The following SDC4 variants were observed in gnomAD, a reference collection of about 807,000 sequenced individuals.
SDC4 encodes syndecan 4, also known as syndecan-4.
In SDC4, 17 loss-of-function variants were observed where a neutral mutation model predicts 20.5. The observed-to-expected ratio is 0.83, with a 90% CI of 0.57 to 1.25. SDC4 has a LOEUF of 1.25. Among genes scored for constraint, SDC4 ranks in the 50% most tolerant of loss-of-function variants. The pLI is 0.00. For missense variants in SDC4, 241 were observed against 252.3 expected (o/e 0.96, Z 0.30); for synonymous variants, 107 against 105.3 (o/e 1.02, Z -0.10).
chr20:45,345,487 C>G (rs950806459), intron 1 of SDC4: 2 of 152,206 alleles, frequency 1.3e-5, no homozygotes, highest in Non-Finnish European at 1.5e-5. Context: ...TGTTTGATAA[C>G]TCCCTGGGCT....
At chr20:45,340,213 C>T (rs1394708605) in intron 1 of SDC4, among the ~76,000 whole-genome samples, 1 of 152,196 alleles carries the variant, frequency 6.6e-6, no homozygotes, top group African/African-American at 2.4e-5. Context: ...TCTATCACCC[C>T]AGGAAAAGCA....
intron 1 of SDC4, among the ~76,000 whole-genome samples, chr20:45,346,790 A>G (rs1400034334): frequency 1.3e-5 from 2 of 152,190 alleles, no homozygotes; most frequent in Non-Finnish European, 2.9e-5. Flanking sequence ...CTTCCACCTC[A>G]GAATTCCTTT....
intron 1 of SDC4, among the ~76,000 whole-genome samples, chr20:45,344,880 C>T (rs529987143): frequency 2.6e-5 from 4 of 152,204 alleles, no homozygotes; most frequent in African/African-American, 7.2e-5. Flanking sequence ...CACCCAGCAA[C>T]GCAGAAGTAG....
At chr20:45,329,534 C>T (rs537004670) in intron 4 of SDC4, among the ~76,000 whole-genome samples, 42 of 152,370 alleles carry the variant, frequency 2.8e-4, no homozygotes, top group Non-Finnish European at 4.4e-4. Flanking sequence ...CCCAGGAACC[C>T]TCTTTACAAG....
intron 2 of SDC4, among the ~76,000 whole-genome samples, chr20:45,335,482 C>T (rs921410754): frequency 7.2e-5 from 11 of 151,980 alleles, no homozygotes; most frequent in Non-Finnish European, 1.5e-4. Flanking sequence ...TACCCTCACC[C>T]CACCCCCACC....
chr20:45,334,552 G>A (rs1331631470), intron 2 of SDC4, among the ~76,000 whole-genome samples: 9 of 150,584 alleles, frequency 6.0e-5, no homozygotes, highest in Non-Finnish European at 1.2e-4. Flanking sequence ...GCAATGGCGT[G>A]ATCTCAGCTC....
chr20:45,347,472 G>A (rs1988048732), intron 1 of SDC4, among the ~76,000 whole-genome samples: 1 of 152,088 alleles, frequency 6.6e-6, no homozygotes, highest in Non-Finnish European at 1.5e-5. Context: ...TATGACGGAG[G>A]CCAGTGGACA....
chr20:45,335,647 T>C (rs1987850610), intron 2 of SDC4, 135 bp downstream of exon 2: 4 of 900,470 alleles, frequency 4.4e-6, no homozygotes, highest in African/African-American at 3.3e-5. Flanking sequence ...TTCCCCTTTT[T>C]TTGAGAAGGA....
At position 45,348,378 on chromosome 20, in the gene SDC4, G is replaced by A. The variant is rs1188172692; in HGVS notation, c.7C>T (p.Pro3Ser). The change falls in exon 1 of 5, where the codon CCC becomes TCC. Residue 3 changes from proline (P) to serine (S), a missense_variant. Pro to Ser is a moderately conservative substitution (Grantham distance 74, BLOSUM62 -1). Transcript: ENST00000372733. MAPARLFALLLFF... is the reference protein window; with the variant it reads MASARLFALLLFF... ...AGCAGCAGCGCGAACAGACGGGCGG[G>A]GGCCATGGCACCGCGGACTGGAGAA... 1.9e-6 allele frequency: 3 copies of A among 1,581,884 alleles called. No homozygotes were observed. Among genetic ancestry groups the A allele is most frequent in the African/African-American group, 2.7e-5 (2 of 73,776 alleles).
At chr20:45,328,655 A>C (rs1489791891) in intron 4 of SDC4, among the ~76,000 whole-genome samples, 1 of 152,176 alleles carries the variant, frequency 6.6e-6, no homozygotes, top group African/African-American at 2.4e-5. Context: ...GATGCTTCAT[A>C]GAATCCCTTC....
At chr20:45,343,288 G>A (rs1294887587) in intron 1 of SDC4, among the ~76,000 whole-genome samples, 2 of 152,116 alleles carry the variant, frequency 1.3e-5, no homozygotes, top group African/African-American at 2.4e-5. Context: ...GAAAACATAC[G>A]AGAAACTGGC....
chr20:45,334,201 G>T (rs1374551411), intron 2 of SDC4, among the ~76,000 whole-genome samples: 1 of 151,966 alleles, frequency 6.6e-6, no homozygotes, highest in Non-Finnish European at 1.5e-5. Flanking sequence ...CACCATGTTG[G>T]TTGGCCAGGA....
At chr20:45,340,115 A>G (rs1987933559) in intron 1 of SDC4, among the ~76,000 whole-genome samples, 1 of 152,164 alleles carries the variant, frequency 6.6e-6, no homozygotes, top group Non-Finnish European at 1.5e-5. Flanking sequence ...AGCTGTCATT[A>G]CAGTTATACT....
rs1231076828 is a variant in SDC4, at chr20:45,326,611, AAAAAT to A, written c.*648_*652del. 6 of 152,600 alleles carry A rather than the reference AAAAAT, an allele frequency of 3.9e-5. No individual in the cohort carries two copies. Among genetic ancestry groups the A allele is most frequent in the Admixed American group, 1.3e-4 (2 of 15,286 alleles). 9.5% of individuals were successfully genotyped at this position (152,600 alleles called of 1,614,324 possible). ...ACAGTTAAAAAAACGAACAAACACT[AAAAAT>A]AGATTTACAAATATTCTATAAATCC... On this transcript the variant is annotated 3_prime_UTR_variant, in exon 5 of 5. Transcript: ENST00000372733.
intron 3 of SDC4, 54 bp downstream of exon 3, chr20:45,332,969 T>C (rs1987801413): frequency 2.6e-6 from 4 of 1,527,094 alleles, no homozygotes; most frequent in South Asian, 2.2e-5. Context: ...CCTCTCCCAA[T>C]AGGTCTGCTA....
chr20:45,333,204 C>T, intron 2 of SDC4, 135 bp from the exon 3 acceptor site: 2 of 763,398 alleles, frequency 2.6e-6, no homozygotes, highest in East Asian at 2.6e-5. Context: ...CTTCCCCACC[C>T]CTACTTCAGT....
chr20:45,343,519 C>T (rs1568908974), intron 1 of SDC4, among the ~76,000 whole-genome samples: 1 of 152,312 alleles, frequency 6.6e-6, no homozygotes, highest in East Asian at 1.9e-4. Flanking sequence ...CCAGCAAATC[C>T]CAGCAGGAGA....
chr20:45,328,112 T>C (rs1052371638), intron 4 of SDC4, among the ~76,000 whole-genome samples: 1 of 152,230 alleles, frequency 6.6e-6, no homozygotes, highest in African/African-American at 2.4e-5. Flanking sequence ...GGGCACTCTC[T>C]AGCTCTCCCT....
intron 4 of SDC4, among the ~76,000 whole-genome samples, chr20:45,328,968 G>A (rs1217484066): frequency 1.3e-5 from 2 of 152,210 alleles, no homozygotes; most frequent in African/African-American, 4.8e-5. Flanking sequence ...ACAGGGTCAA[G>A]TTTCAAGCAC....
Sources: allele counts gnomAD v4.1 joint callset (sites outside exome capture counted in the v4.1 genomes callset), GRCh38; gene constraint gnomAD v4.1.1; transcripts MANE v1.5; gene names NCBI Gene and HGNC (gene_info 2026-07-23, HGNC 2026-07-21).